The following RERE variants were observed in gnomAD, a reference collection of about 807,000 sequenced individuals.
RERE encodes the protein arginine-glutamic acid dipeptide repeats.
RERE carries 40 observed loss-of-function variants against 146.1 expected under a neutral mutation model. The observed-to-expected ratio is 0.27, with a 90% confidence interval of 0.21 to 0.36. The LOEUF is 0.36. RERE is among the 10% of genes least tolerant of loss of function. RERE has a pLI of 1.00. For missense variants in RERE, 1,933 were observed against 2,138.7 expected, an observed-to-expected ratio of 0.90 and a Z score of 1.90; for synonymous variants, 1,003 against 866.0, an observed-to-expected ratio of 1.16 and a Z score of -2.78.
At chr1:8,719,976 T>A (rs371862328) in intron 1 of RERE, among the ~76,000 whole-genome samples, 59 of 152,110 alleles carry the variant, frequency 3.9e-4, no homozygotes, top group African/African-American at 1.4e-3. Flanking sequence ...AATAATTTAC[T>A]CACTCATTAA....
intron 11 of RERE, among the ~76,000 whole-genome samples, chr1:8,428,785 G>T (rs999179948): frequency 6.6e-6 from 1 of 152,012 alleles, no homozygotes; most frequent in African/African-American, 2.4e-5. Flanking sequence ...AGCTATATTG[G>T]AATAAAAATA....
chr1:8,793,906 A>G (rs1271468709), intron 1 of RERE, among the ~76,000 whole-genome samples: 2 of 151,998 alleles, frequency 1.3e-5, no homozygotes, highest in East Asian at 3.9e-4. Flanking sequence ...TCTACTAAAA[A>G]TACAAAAAAA....
At chr1:8,379,722 G>A (rs950518104) in intron 12 of RERE, among the ~76,000 whole-genome samples, 46 of 152,186 alleles carry the variant, frequency 3.0e-4, no homozygotes, top group African/African-American at 1.1e-3. Context: ...GGGGGTCACT[G>A]TCTAGAGACT....
At chr1:8,724,201 T>C (rs1639914483) in intron 1 of RERE, among the ~76,000 whole-genome samples, 1 of 152,192 alleles carries the variant, frequency 6.6e-6, no homozygotes, top group Admixed American at 6.5e-5. Context: ...ACCCTGGATA[T>C]TTGCATAAAT....
intron 12 of RERE, among the ~76,000 whole-genome samples, chr1:8,370,459 T>C (rs1215781530): frequency 6.6e-6 from 1 of 152,222 alleles, no homozygotes; most frequent in Non-Finnish European, 1.5e-5. Flanking sequence ...ACTGTGTACT[T>C]AAAGTGGGTG....
chr1:8,638,623 G>A (rs910024100), intron 2 of RERE, among the ~76,000 whole-genome samples: 1 of 152,026 alleles, frequency 6.6e-6, no homozygotes, highest in African/African-American at 2.4e-5. Context: ...CTCCATATAC[G>A]TTCACTAAGA....
chr1:8,678,673 C>T lies in RERE; in HGVS notation c.-144-22232G>A, dbSNP rs952869267. ...TCGTACCACTGCACTCTAGCCTGGG[C>T]GACAGAGCGAGACTCCATCTCCAAA... On this transcript the variant is annotated intron_variant, in intron 1 of 22. Transcript: ENST00000400908. Among the ~76,000 whole-genome samples, 4 of 151,438 alleles carry T rather than the reference C, an allele frequency of 2.6e-5. 1 individual carries two copies. The highest frequency in any genetic ancestry group is 4.9e-5 in the African/African-American group (2 of 41,054).
At chr1:8,463,276 T>G (rs981713634) in intron 11 of RERE, among the ~76,000 whole-genome samples, 1 of 152,182 alleles carries the variant, frequency 6.6e-6, no homozygotes, top group East Asian at 1.9e-4. Context: ...ATCCTGAGGC[T>G]CTACAAGGGC....
chr1:8,608,371 G>A (rs950165306), intron 4 of RERE, among the ~76,000 whole-genome samples: 1 of 152,086 alleles, frequency 6.6e-6, no homozygotes, highest in Non-Finnish European at 1.5e-5. Flanking sequence ...ATTTTAGGTA[G>A]CATACACCTA....
chr1:8,604,614 GAGGGAGGGAGGA>G (rs1262678856), intron 4 of RERE, among the ~76,000 whole-genome samples: 1,073 of 68,014 alleles, frequency 0.016, 11 homozygotes, highest in African/African-American at 0.035. Context: ...GGGAGGGAGG[GAGGGAGGGAGGA>G]AGGAAGGAAG....
intron 4 of RERE, among the ~76,000 whole-genome samples, chr1:8,596,014 C>T (rs115826236): frequency 6.6e-6 from 1 of 152,176 alleles, no homozygotes; most frequent in African/African-American, 2.4e-5. Flanking sequence ...GTCCAGACAC[C>T]ACCTGGACTC....
intron 12 of RERE, among the ~76,000 whole-genome samples, chr1:8,414,130 C>T (rs570998680): frequency 3.9e-5 from 6 of 151,968 alleles, no homozygotes; most frequent in African/African-American, 1.2e-4. Flanking sequence ...CTGGCCCCTT[C>T]ACTAGGGGCC....
intron 12 of RERE, among the ~76,000 whole-genome samples, chr1:8,398,660 G>A (rs1643142182): frequency 6.6e-6 from 1 of 152,114 alleles, no homozygotes; most frequent in African/African-American, 2.4e-5. Flanking sequence ...TGGGGGAGGA[G>A]TCTTCCCCAA....
At chr1:8,779,404 TG>T in intron 1 of RERE, among the ~76,000 whole-genome samples, 1 of 151,912 alleles carries the variant, frequency 6.6e-6, no homozygotes, top group East Asian at 2.0e-4. Flanking sequence ...GGCTCACACC[TG>T]TAATCCCAGC....
intron 1 of RERE, among the ~76,000 whole-genome samples, chr1:8,659,133 CT>C (rs1638396550): frequency 6.6e-6 from 1 of 152,236 alleles, no homozygotes; most frequent in African/African-American, 2.4e-5. Flanking sequence ...GATGAACCGT[CT>C]GCTAAACAGA....
intron 6 of RERE, among the ~76,000 whole-genome samples, chr1:8,547,932 T>C (rs1475215298): frequency 6.6e-6 from 1 of 152,204 alleles, no homozygotes; most frequent in Non-Finnish European, 1.5e-5. Flanking sequence ...TCATTTATAA[T>C]TGCAAAATCC....
intron 12 of RERE, among the ~76,000 whole-genome samples, chr1:8,389,417 C>T (rs1557605270): frequency 6.6e-6 from 1 of 152,172 alleles, no homozygotes; most frequent in African/African-American, 2.4e-5. Context: ...ATTTCAGAAA[C>T]CTCTGTGCCA....
intron 1 of RERE, among the ~76,000 whole-genome samples, chr1:8,776,641 C>A (rs1641068786): frequency 6.6e-6 from 1 of 152,146 alleles, no homozygotes; most frequent in East Asian, 1.9e-4. Context: ...ATACAACTTA[C>A]CAAATTTTGT....
chr1:8,364,808 A>G lies in RERE; in HGVS notation c.1478T>C (p.Phe493Ser). 1 of 1,612,274 alleles carries G rather than the reference A, an allele frequency of 6.2e-7. No homozygotes were observed. Among genetic ancestry groups the G allele is most frequent in the Non-Finnish European group, 8.5e-7 (1 of 1,179,190 alleles). Residue 493 changes from phenylalanine to serine, a missense_variant, in exon 14 of 23, where the codon TTC (phenylalanine) becomes TCC (serine). Transcript: ENST00000400908. This position sits in a 1 kb window ranked among gnomAD's most constrained non-coding sequence, Gnocchi z 5.1. Reference sequence around the variant, plus strand: ...CTCCTGCTCACTGTCCTCACTGTCGAAGTCATCTTCACTGGCTGAACTTAG... The same window carrying G: ...CTCCTGCTCACTGTCCTCACTGTCGGAGTCATCTTCACTGGCTGAACTTAG... ...LDLSSASEDD[F>S]DSEDSEQELK...
Sources: gnomAD v4.1 joint callset for allele counts (sites outside exome capture counted in the v4.1 genomes callset) on GRCh38, gnomAD v4.1.1 for gene constraint, Gnocchi (gnomAD v3.1) non-coding constraint, MANE v1.5 for transcripts, NCBI Gene and HGNC (gene_info 2026-07-23, HGNC 2026-07-21) for gene names.